Variants in RERE observed in about 807,000 individuals in gnomAD.
RERE encodes the protein arginine-glutamic acid dipeptide repeats, also known as arginine-glutamic acid dipeptide repeats protein.
RERE carries 40 observed loss-of-function variants against 146.1 expected under a neutral mutation model. The observed-to-expected ratio is 0.27, with a 90% CI of 0.21 to 0.36. The LOEUF (loss-of-function observed/expected upper bound fraction) is 0.36, where lower values mean the gene tolerates loss of function less well. Ranked by LOEUF, RERE falls within the 10% of genes least tolerant of loss-of-function variation. The pLI, the probability that RERE is intolerant of heterozygous loss-of-function variation, is 1.00. For synonymous variants in RERE, 1,003 were observed against 866.0 expected (o/e 1.16, Z -2.78); for missense variants, 1,933 against 2,138.7 (o/e 0.90, Z 1.90).
chr1:8,538,483 G>A (rs1645755638), intron 7 of RERE, among the ~76,000 whole-genome samples: 1 of 152,086 alleles, frequency 6.6e-6, no homozygotes, highest in South Asian at 2.1e-4. Flanking sequence ...TGCATTTTTG[G>A]ATCATTTGAG....
At chr1:8,529,773 G>C (rs1321195973) in intron 7 of RERE, among the ~76,000 whole-genome samples, 1 of 152,066 alleles carries the variant, frequency 6.6e-6, no homozygotes, top group East Asian at 1.9e-4. Flanking sequence ...CCTCCTCCTG[G>C]TCAGAGAATC....
intron 1 of RERE, among the ~76,000 whole-genome samples, chr1:8,785,727 T>G (rs1484881687): frequency 2.6e-5 from 4 of 152,144 alleles, no homozygotes; most frequent in Non-Finnish European, 4.4e-5. Flanking sequence ...GTTCAAGCAA[T>G]TCTCCTGCCT....
chr1:8,777,432 A>G (rs1364280625), intron 1 of RERE, among the ~76,000 whole-genome samples: 1 of 152,230 alleles, frequency 6.6e-6, no homozygotes, highest in African/African-American at 2.4e-5. Flanking sequence ...AAAAATATCA[A>G]GAAAATAGGA....
intron 13 of RERE, 117 bp downstream of exon 13, chr1:8,365,695 C>T (rs954105644): frequency 1.5e-5 from 17 of 1,161,444 alleles, no homozygotes; most frequent in South Asian, 1.0e-4. Flanking sequence ...CACTGGAGCA[C>T]GGGTGCACAC....
intron 4 of RERE, among the ~76,000 whole-genome samples, chr1:8,605,193 G>A (rs1359389592): frequency 2.6e-5 from 4 of 152,000 alleles, no homozygotes; most frequent in Non-Finnish European, 4.4e-5. Flanking sequence ...GTTGGGGTGC[G>A]ATGGCATGAT....
intron 10 of RERE, among the ~76,000 whole-genome samples, chr1:8,481,364 T>C (rs974864504): frequency 6.6e-6 from 1 of 152,182 alleles, no homozygotes; most frequent in Admixed American, 6.5e-5. Flanking sequence ...TCTGCCTGCC[T>C]TGGCCTCCCA....
chr1:8,593,828 GACTTTAGGGGCTGTGGCTCCAGCC>G (rs1646523420), intron 4 of RERE, among the ~76,000 whole-genome samples: 1 of 152,168 alleles, frequency 6.6e-6, no homozygotes, highest in Non-Finnish European at 1.5e-5. Context: ...CTAGAGCATG[GACTTTAGGGGCTGTGGCTCCAGCC>G]ACCATCTGGG....
intron 8 of RERE, among the ~76,000 whole-genome samples, chr1:8,502,535 T>C (rs1231956445): frequency 1.5e-5 from 2 of 137,370 alleles, no homozygotes; most frequent in African/African-American, 5.7e-5. Context: ...CGGCCGCCCC[T>C]ACTGGGAAGT....
intron 4 of RERE, among the ~76,000 whole-genome samples, chr1:8,594,075 A>G (rs1646526909): frequency 6.6e-6 from 1 of 152,250 alleles, no homozygotes; most frequent in Non-Finnish European, 1.5e-5. Flanking sequence ...CCCATTTTGC[A>G]GACCACTACA....
intron 1 of RERE, among the ~76,000 whole-genome samples, chr1:8,692,098 G>A (rs560194563): frequency 5.3e-5 from 8 of 152,058 alleles, no homozygotes; most frequent in Non-Finnish European, 1.2e-4. Flanking sequence ...TAGCAGAATG[G>A]GTTTATTTCT....
chr1:8,451,156 C>T (rs944196513), intron 11 of RERE, among the ~76,000 whole-genome samples: 4 of 152,164 alleles, frequency 2.6e-5, no homozygotes, highest in South Asian at 4.1e-4. Context: ...CTCAGCTGGG[C>T]GCGGTGGCTC....
chr1:8,427,804 C>T (rs931611129), intron 11 of RERE, among the ~76,000 whole-genome samples: 2 of 152,128 alleles, frequency 1.3e-5, no homozygotes, highest in African/African-American at 2.4e-5. Flanking sequence ...AAAATCGAAA[C>T]AAAGACGACC....
chr1:8,741,843 G>A (rs1423494270), intron 1 of RERE, among the ~76,000 whole-genome samples: 6 of 152,142 alleles, frequency 3.9e-5, no homozygotes, highest in Admixed American at 1.3e-4. Flanking sequence ...GATTATATCT[G>A]ATATGTTGAT....
intron 12 of RERE, among the ~76,000 whole-genome samples, chr1:8,387,900 C>T (rs1425572678): frequency 1.3e-5 from 2 of 152,214 alleles, no homozygotes; most frequent in African/African-American, 4.8e-5. Context: ...CAAAAATTGT[C>T]TTAACTATAC....
intron 11 of RERE, among the ~76,000 whole-genome samples, chr1:8,426,986 G>T (rs954566291): frequency 2.0e-5 from 3 of 152,130 alleles, no homozygotes; most frequent in African/African-American, 7.2e-5. Context: ...TATAACACTA[G>T]GCAGTTGATG....
chr1:8,608,042 G>GT (rs929853024), intron 4 of RERE, among the ~76,000 whole-genome samples: 29 of 151,262 alleles, frequency 1.9e-4, no homozygotes, highest in African/African-American at 5.1e-4. Context: ...TTTTGTTTTT[G>GT]TTTTTTTTAC....
At chr1:8,536,885 T>C (rs1055819191) in intron 7 of RERE, among the ~76,000 whole-genome samples, 2 of 152,190 alleles carry the variant, frequency 1.3e-5, no homozygotes, top group African/African-American at 2.4e-5. Flanking sequence ...CAAAAAATTA[T>C]GCCCCCTAAA....
At chr1:8,385,642 C>T (rs949482740) in intron 12 of RERE, among the ~76,000 whole-genome samples, 3 of 151,914 alleles carry the variant, frequency 2.0e-5, no homozygotes, top group Admixed American at 6.6e-5. Flanking sequence ...GGCCTCAGAA[C>T]GCCTGACCAG....
At chr1:8,574,799 G>T (rs911749764) in intron 4 of RERE, among the ~76,000 whole-genome samples, 6 of 152,188 alleles carry the variant, frequency 3.9e-5, no homozygotes, top group African/African-American at 1.4e-4. Context: ...GGGCACGAGG[G>T]TAACCTCTGG....
Sources: allele counts gnomAD v4.1 joint callset (sites outside exome capture counted in the v4.1 genomes callset), GRCh38; gene constraint gnomAD v4.1.1; transcripts MANE v1.5; gene names NCBI Gene and HGNC (gene_info 2026-07-23, HGNC 2026-07-21).